The following PLCB1 variants were observed in gnomAD, a reference collection of about 807,000 sequenced individuals.
The protein encoded by PLCB1 is phospholipase C beta 1.
In PLCB1, 46 loss-of-function variants were observed where a neutral mutation model predicts 161.8. That is an observed-to-expected ratio of 0.28 (90% CI 0.22 to 0.36). The LOEUF (loss-of-function observed/expected upper bound fraction) is 0.36. Ranked by LOEUF, PLCB1 falls within the 10% of genes least tolerant of loss-of-function variation. The pLI, the probability that PLCB1 is intolerant of heterozygous loss-of-function variation, is 1.00. For synonymous variants in PLCB1, 517 were observed against 503.7 expected, an observed-to-expected ratio of 1.03 and a Z score of -0.35; for missense variants, 1,016 against 1,472.5, an observed-to-expected ratio of 0.69 and a Z score of 5.07.
intron 2 of PLCB1, among the ~76,000 whole-genome samples, chr20:8,155,318 C>T (rs2051547844): frequency 1.3e-5 from 2 of 152,168 alleles, no homozygotes; most frequent in Admixed American, 1.3e-4. Flanking sequence ...ATTGGTTCTA[C>T]CATTCATGCC....
intron 31 of PLCB1, among the ~76,000 whole-genome samples, chr20:8,819,304 T>A (rs1034116933): frequency 1.3e-5 from 2 of 152,176 alleles, no homozygotes; most frequent in African/African-American, 4.8e-5. Flanking sequence ...AGAACTATTA[T>A]TATTGATATG....
chr20:8,331,658 CA>C (rs1427096501), intron 2 of PLCB1, among the ~76,000 whole-genome samples: 1 of 152,138 alleles, frequency 6.6e-6, no homozygotes, highest in Non-Finnish European at 1.5e-5. Flanking sequence ...TGATCCTAAA[CA>C]AAGAGCTTGT....
At chr20:8,842,788 A>T (rs563430935) in intron 31 of PLCB1, among the ~76,000 whole-genome samples, 6 of 152,218 alleles carry the variant, frequency 3.9e-5, no homozygotes, top group Non-Finnish European at 5.9e-5. Flanking sequence ...ATACTTTTCC[A>T]TACAATGTCT....
intron 3 of PLCB1, among the ~76,000 whole-genome samples, chr20:8,504,673 A>G (rs1020061215): frequency 3.3e-5 from 5 of 152,224 alleles, no homozygotes; most frequent in Non-Finnish European, 7.4e-5. Flanking sequence ...AGTTTAACCT[A>G]CAAGGTACCA....
At chr20:8,390,848 G>C (rs973764197) in intron 3 of PLCB1, among the ~76,000 whole-genome samples, 1 of 151,876 alleles carries the variant, frequency 6.6e-6, no homozygotes, top group Non-Finnish European at 1.5e-5. Context: ...ATAACAAGCT[G>C]TATAATCCTG....
intron 31 of PLCB1, among the ~76,000 whole-genome samples, chr20:8,832,794 T>G (rs1986079078): frequency 6.6e-6 from 1 of 152,218 alleles, no homozygotes; most frequent in African/African-American, 2.4e-5. Flanking sequence ...GTTTAAAACT[T>G]TACTTATTAA....
intron 9 of PLCB1, among the ~76,000 whole-genome samples, chr20:8,675,227 A>G (rs1780169592): frequency 6.6e-6 from 1 of 152,094 alleles, no homozygotes; most frequent in South Asian, 2.1e-4. Context: ...TGCTTCTTGC[A>G]CGCACCACCG....
At chr20:8,148,057 G>C (rs553988535) in intron 1 of PLCB1, among the ~76,000 whole-genome samples, 3 of 151,764 alleles carry the variant, frequency 2.0e-5, no homozygotes, top group African/African-American at 7.3e-5. Context: ...GCAGGGAATC[G>C]CCACCAAGAT....
At chr20:8,565,699 T>A (rs1279636646) in intron 3 of PLCB1, among the ~76,000 whole-genome samples, 1 of 152,054 alleles carries the variant, frequency 6.6e-6, no homozygotes, top group East Asian at 1.9e-4. Context: ...TTCTGACTAA[T>A]GTGGTGTAAG....
rs564879438 is a variant in PLCB1 at position 8,354,696 on chromosome 20, T to A, written c.178-16686T>A. Among the ~76,000 whole-genome samples, 3 of 152,326 alleles carry A rather than the reference T, an allele frequency of 2.0e-5. No individual in the cohort carries two copies. The East Asian group carries it at 5.8e-4, about 29-fold the overall frequency. The stretch of plus-strand genomic sequence containing the variant: ...GAGTTGGGGAAATCAGATGTTATAT[T>A]AATGGACTGGCATTTAGAAGCCAGG... On this transcript the variant is annotated intron_variant, in intron 2 of 31. Coordinates refer to ENST00000338037, the MANE Select transcript of PLCB1 (RefSeq NM_015192.4).
chr20:8,724,500 G>A (rs976941330), intron 15 of PLCB1, among the ~76,000 whole-genome samples, 156 bp from the exon 16 acceptor site: 1 of 152,118 alleles, frequency 6.6e-6, no homozygotes, highest in Non-Finnish European at 1.5e-5. Flanking sequence ...AGGTGTTGCT[G>A]TTGCCTTTCT....
At chr20:8,356,517 T>C (rs956169223) in intron 2 of PLCB1, among the ~76,000 whole-genome samples, 8 of 152,294 alleles carry the variant, frequency 5.3e-5, no homozygotes, top group Admixed American at 1.3e-4. Flanking sequence ...AGGTATCAAA[T>C]CTACGCGGTT....
intron 3 of PLCB1, among the ~76,000 whole-genome samples, chr20:8,529,169 A>G (rs1041118822): frequency 6.6e-6 from 1 of 152,108 alleles, no homozygotes; most frequent in Non-Finnish European, 1.5e-5. Context: ...TTATGAAGAC[A>G]TTCATGTAAA....
chr20:8,446,612 T>C (rs1300707509), intron 3 of PLCB1, among the ~76,000 whole-genome samples: 1 of 152,082 alleles, frequency 6.6e-6, no homozygotes, highest in Non-Finnish European at 1.5e-5. Context: ...AAAGAGGGAG[T>C]CAAATCGTCC....
chr20:8,781,693 A>T (rs1204663478), intron 27 of PLCB1, among the ~76,000 whole-genome samples: 1 of 152,214 alleles, frequency 6.6e-6, no homozygotes, highest in Non-Finnish European at 1.5e-5. Context: ...AATTGAACTC[A>T]TAGTTTCACA....
intron 31 of PLCB1, among the ~76,000 whole-genome samples, chr20:8,797,060 T>G (rs1984061981): frequency 1.3e-5 from 2 of 152,190 alleles, no homozygotes; most frequent in Admixed American, 6.5e-5. Context: ...GAATCTACAT[T>G]TCCTCCATTC....
At chr20:8,293,561 G>C (rs936300448) in intron 2 of PLCB1, among the ~76,000 whole-genome samples, 1 of 151,932 alleles carries the variant, frequency 6.6e-6, no homozygotes, top group South Asian at 2.1e-4. Context: ...AATGATTTCT[G>C]GTACACTGGA....
intron 13 of PLCB1, among the ~76,000 whole-genome samples, chr20:8,717,335 G>T (rs1396663946): frequency 6.6e-6 from 1 of 152,180 alleles, no homozygotes; most frequent in Non-Finnish European, 1.5e-5. Flanking sequence ...ATTCAGGCCA[G>T]GGCCTTCTTA....
rs1219181447 is a variant in PLCB1, at chr20:8,883,600, A to C, written c.*1751A>C. 6.6e-6 allele frequency: 1 copy of C among 152,248 alleles called. No individual in the cohort carries two copies. Among genetic ancestry groups the C allele is most frequent in the Non-Finnish European group, 1.5e-5 (1 of 67,982 alleles). The allele number at this position is 152,248 out of a possible 1,614,324, so 9.4% of individuals were successfully genotyped here. On this transcript the variant is annotated 3_prime_UTR_variant, in exon 32 of 32. Coordinates refer to ENST00000338037, the MANE Select transcript of PLCB1 (RefSeq NM_015192.4). ...TTCAAGAATTTAATATTTTTATGAA[A>C]ATTATTTTATTTAACTTTAAGCAAT...
Sources: gnomAD v4.1 joint callset for allele counts (sites outside exome capture counted in the v4.1 genomes callset) on GRCh38, gnomAD v4.1.1 for gene constraint, MANE v1.5 for transcripts, NCBI Gene and HGNC (gene_info 2026-07-23, HGNC 2026-07-21) for gene names.